GTF2H4: variants seen among roughly 807,000 people sequenced by gnomAD.
GTF2H4 encodes the protein general transcription factor IIH subunit 4, also known as BTF2 p52.
GTF2H4 carries 49 observed loss-of-function variants against 62.2 expected under a neutral mutation model. The observed-to-expected ratio is 0.79, with a 90% confidence interval of 0.63 to 1.00. The LOEUF (loss-of-function observed/expected upper bound fraction) is 1.00. Ranked by LOEUF, GTF2H4 falls within the 50% of genes least tolerant of loss-of-function variation. The pLI, the probability that GTF2H4 is intolerant of heterozygous loss-of-function variation, is 0.00. For synonymous variants in GTF2H4, 189 were observed against 233.8 expected (o/e 0.81, Z 1.75); for missense variants, 479 against 587.8 (o/e 0.81, Z 1.91).
Position 30,910,151 on chromosome 6 carries a change from G to C in GTF2H4, c.374+88G>C. 1 of 1,443,886 alleles carries C rather than the reference G, an allele frequency of 6.9e-7. No individual in the cohort carries two copies. The highest frequency in any genetic ancestry group is 9.5e-7 in the Non-Finnish European group (1 of 1,047,494). 89.4% of individuals were successfully genotyped at this position (1,443,886 alleles called of 1,614,324 possible). A position where few individuals can be genotyped will look rare whatever the true frequency, so the allele number is the denominator to read the frequency against. ...TTAAACTTTGGGAGGGGGAGCTCCT[G>C]GGGGCCTCCCCAGAACCTTGTGGTC... is the stretch of plus-strand genomic sequence containing the variant. On this transcript the variant is annotated intron_variant, in intron 4 of 13. Coordinates refer to ENST00000259895, the MANE Select transcript of GTF2H4 (RefSeq NM_001517.5). The surrounding 1 kb of genome is among the most constrained non-coding windows in gnomAD (Gnocchi z 4.7).
rs1266637423 is a variant in GTF2H4 at position 30,909,040 on chromosome 6, G to T, written c.4G>T (p.Glu2Ter). The change falls in exon 2 of 14, where the codon GAG becomes TAG. Residue 2 changes from glutamate (E) to a stop codon, truncating the protein, a stop_gained. Transcript: ENST00000259895. LOFTEE classifies it high-confidence loss of function. The surrounding 1 kb of genome is among the most constrained non-coding windows in gnomAD (Gnocchi z 4.3). ...TGACGTTTGCATTCCTCAGGTGATG[G>T]AGAGCACCCCTTCAAGGGGACTGAA... is the stretch of plus-strand genomic sequence containing the variant. The part of the protein sequence containing the change: M[E>*]STPSRGLNRV... 2 of 1,614,118 alleles carry T rather than the reference G, an allele frequency of 1.2e-6. No homozygotes were observed. The highest frequency in any genetic ancestry group is 8.5e-7 in the Non-Finnish European group (1 of 1,180,030).
rs1382565849 is a variant in GTF2H4, at chr6:30,909,655, T to A, written c.242+116T>A. On this transcript the variant is annotated intron_variant, in intron 3 of 13. Coordinates refer to ENST00000259895, the MANE Select transcript of GTF2H4 (RefSeq NM_001517.5). This position sits in a 1 kb window ranked among gnomAD's most constrained non-coding sequence, Gnocchi z 4.3. ...TCACAAAACTTAAAAATAAATACAT[T>A]TGGGAAACTCTGCATATTGCCTTTT... 11 of 678,266 alleles carry A rather than the reference T, an allele frequency of 1.6e-5. No homozygotes were observed. In the African/African-American group the frequency reaches 1.8e-4, roughly 11 times the overall value. 42.0% of individuals were successfully genotyped at this position (678,266 alleles called of 1,614,324 possible). A position where few individuals can be genotyped will look rare whatever the true frequency, so the allele number is the denominator to read the frequency against.
At position 30,910,498 on chromosome 6, in the gene GTF2H4, T is replaced by G; in HGVS notation, c.375-167T>G. 2 of 661,114 alleles carry G rather than the reference T, an allele frequency of 3.0e-6. No homozygotes were observed. The highest frequency in any genetic ancestry group is 1.8e-5 in the African/African-American group (1 of 55,764). 41.0% of individuals were successfully genotyped at this position (661,114 alleles called of 1,614,324 possible). A position where few individuals can be genotyped will look rare whatever the true frequency, so the allele number is the denominator to read the frequency against. On this transcript the variant is annotated intron_variant, in intron 4 of 13. Coordinates refer to ENST00000259895, the MANE Select transcript of GTF2H4 (RefSeq NM_001517.5). This position sits in a 1 kb window ranked among gnomAD's most constrained non-coding sequence, Gnocchi z 4.7. ...GCACCCACCACGACGCCAGGCTAAT[T>G]TTTTGTATTTTTAGTAGAGATGGGG...
Position 30,911,919 on chromosome 6 carries a change from A to G in GTF2H4, c.826-95A>G. 6.7e-7 allele frequency: 1 copy of G among 1,503,732 alleles called. No homozygotes were observed. Among genetic ancestry groups the G allele is most frequent in the Non-Finnish European group, 9.1e-7 (1 of 1,097,726 alleles). The allele number at this position is 1,503,732 out of a possible 1,614,324, so 93.1% of individuals were successfully genotyped here. On this transcript the variant is annotated intron_variant, in intron 9 of 13. Transcript: ENST00000259895. The surrounding 1 kb of genome is among the most constrained non-coding windows in gnomAD (Gnocchi z 4.3). ...CTCGGGGGAGAGAAGTTGGGGGTTG[A>G]GGTTCTGCATCTTGGGAGGGATCTG...
At position 30,909,898 on chromosome 6, in the gene GTF2H4, A is replaced by G; in HGVS notation, c.243-34A>G. 2 of 1,583,802 alleles carry G rather than the reference A, an allele frequency of 1.3e-6. No homozygotes were observed. Among genetic ancestry groups the G allele is most frequent in the Non-Finnish European group, 8.6e-7 (1 of 1,168,208 alleles). On this transcript the variant is annotated intron_variant, in intron 3 of 13. Coordinates refer to ENST00000259895, the MANE Select transcript of GTF2H4 (RefSeq NM_001517.5). This position sits in a 1 kb window ranked among gnomAD's most constrained non-coding sequence, Gnocchi z 4.3. Reference sequence around the variant, plus strand: ...TTTATGGGCCTCCTTTTTGTTTTCCAAATACCCTACTCACCTCTCTGCTTC... The same window carrying G: ...TTTATGGGCCTCCTTTTTGTTTTCCGAATACCCTACTCACCTCTCTGCTTC...
rs1438093694 is a variant in GTF2H4 at position 30,910,081 on chromosome 6, C to G, written c.374+18C>G. 7 of 1,610,112 alleles carry G rather than the reference C, an allele frequency of 4.3e-6. No homozygotes were observed. The highest frequency in any genetic ancestry group is 5.1e-6 in the Non-Finnish European group (6 of 1,179,042). On this transcript the variant is annotated intron_variant, in intron 4 of 13. Coordinates refer to ENST00000259895, the MANE Select transcript of GTF2H4 (RefSeq NM_001517.5). This position sits in a 1 kb window ranked among gnomAD's most constrained non-coding sequence, Gnocchi z 4.7. ...CTGGGTGGGTATGTCACTTCTCTCT[C>G]TTCCTAAGCTAGGGCAGGGGAACTG...
rs767700313 is a variant in GTF2H4, at chr6:30,909,338, G to A, written c.138-97G>A. The A allele has an allele frequency of 4.1e-6, 5 of 1,217,758 alleles. No homozygotes were observed. Among genetic ancestry groups the A allele is most frequent in the Non-Finnish European group, 4.7e-6 (4 of 847,294 alleles). 75.4% of individuals were successfully genotyped at this position (1,217,758 alleles called of 1,614,324 possible). ...AAAACAGCAGGACTGGTAAAGTTGT[G>A]CTGGAGTGAGATGAGATGTTTGAGA... is the stretch of plus-strand genomic sequence containing the variant. On this transcript the variant is annotated intron_variant, in intron 2 of 13. Coordinates refer to ENST00000259895, the MANE Select transcript of GTF2H4 (RefSeq NM_001517.5). The surrounding 1 kb of genome is among the most constrained non-coding windows in gnomAD (Gnocchi z 4.3).
In GTF2H4 at chr6:30,911,937, G is replaced by A; in HGVS notation, c.826-77G>A. 6.4e-7 allele frequency: 1 copy of A among 1,554,054 alleles called. No homozygotes were observed. The highest frequency in any genetic ancestry group is 8.8e-7 in the Non-Finnish European group (1 of 1,138,420). On this transcript the variant is annotated intron_variant, in intron 9 of 13. Transcript: ENST00000259895. The surrounding 1 kb of genome is among the most constrained non-coding windows in gnomAD (Gnocchi z 4.3). ...GGGGTTGAGGTTCTGCATCTTGGGA[G>A]GGATCTGATATTTCAGGCAGGAAGA... is the stretch of plus-strand genomic sequence containing the variant.
rs1267456351 is a variant in GTF2H4, at chr6:30,909,144, G to A, written c.108G>A (p.Gly36=). The A allele has an allele frequency of 6.2e-7, 1 of 1,613,850 alleles. No homozygotes were observed. Among genetic ancestry groups the A allele is most frequent in the Non-Finnish European group, 8.5e-7 (1 of 1,179,886 alleles). ...CTGGGGTATTGGACCGATTGTATGG[G>A]CACCCTGCCACATGTCTGGCTGTCT... ...LSPGVLDRLY[G]HPATCLAVFR... The change falls in exon 2 of 14, where the codon GGG becomes GGA. Residue 36 remains glycine, a synonymous_variant. Transcript: ENST00000259895. This position sits in a 1 kb window ranked among gnomAD's most constrained non-coding sequence, Gnocchi z 4.3.
Position 30,911,162 on chromosome 6 carries a change from G to A in GTF2H4, c.565G>A (p.Glu189Lys). The change falls in exon 7 of 14, where the codon GAA becomes AAA. Residue 189 changes from glutamate to lysine, a missense_variant. Glu to Lys is a moderately conservative substitution (Grantham distance 56). Transcript: ENST00000259895. The surrounding 1 kb of genome is among the most constrained non-coding windows in gnomAD (Gnocchi z 4.3). ...TGTCCTGGTCTTTGTCTCTAGTACT[G>A]AACCTGGAGAGCCGCCCTGCATTAC... Reference protein sequence around the residue: ...LSQAGLMKSTEPGEPPCITSA... With the variant: ...LSQAGLMKSTKPGEPPCITSA... 6.2e-7 allele frequency: 1 copy of A among 1,612,104 alleles called. No individual in the cohort carries two copies. Among genetic ancestry groups the A allele is most frequent in the African/African-American group, 1.3e-5 (1 of 74,988 alleles).
chr6:30,913,054 A>G lies in GTF2H4; in HGVS notation c.1090-56A>G, dbSNP rs1793862023. The G allele has an allele frequency of 6.3e-7, 1 of 1,575,324 alleles. No individual in the cohort carries two copies. The highest frequency in any genetic ancestry group is 1.1e-5 in the South Asian group (1 of 89,726). On this transcript the variant is annotated intron_variant, in intron 11 of 13. Transcript: ENST00000259895. This position sits in a 1 kb window ranked among gnomAD's most constrained non-coding sequence, Gnocchi z 4.2. ...CCAGTGACATTAGGTGACAGCTCAG[A>G]TGGCTTTCCTGCCTTCTTGCTGGAG...
At position 30,912,289 on chromosome 6, in the gene GTF2H4, G is replaced by C. The variant is rs776839198; in HGVS notation, c.959-39G>C. 5.0e-6 allele frequency: 8 copies of C among 1,610,854 alleles called. No individual in the cohort carries two copies. The highest frequency in any genetic ancestry group is 6.8e-6 in the Non-Finnish European group (8 of 1,178,700). On this transcript the variant is annotated intron_variant, in intron 10 of 13. Transcript: ENST00000259895. The surrounding 1 kb of genome is among the most constrained non-coding windows in gnomAD (Gnocchi z 4.8). ...GAAGGGCTTGAGGGAGTCTGGGTGT[G>C]GGGGTGGCCTCCTCATCCTCTTTCT...
chr6:30,912,181 T>C lies in GTF2H4; in HGVS notation c.958+35T>C, dbSNP rs1215141050. The C allele has an allele frequency of 7.5e-6, 12 of 1,609,978 alleles. No homozygotes were observed. The highest frequency in any genetic ancestry group is 8.5e-6 in the Non-Finnish European group (10 of 1,178,572). ...GACAGAGGGCCCCTGGAAGAGGAGGTTGGGGGTGAGGGAATGCCAGTTTAT... is the reference window on the plus strand; with the variant it reads ...GACAGAGGGCCCCTGGAAGAGGAGGCTGGGGGTGAGGGAATGCCAGTTTAT... On this transcript the variant is annotated intron_variant, in intron 10 of 13. Transcript: ENST00000259895. This position sits in a 1 kb window ranked among gnomAD's most constrained non-coding sequence, Gnocchi z 4.8.
Position 30,913,934 on chromosome 6 carries a change from G to C in GTF2H4, c.1340G>C (p.Gly447Ala). ...CGGCTCATGGTGGTGACCCCGGCCG[G>C]GCACAGCGACGTCAAGCGCTTTTGG... Reference protein sequence around the residue: ...AKRLMVVTPAGHSDVKRFWKR... With the variant: ...AKRLMVVTPAAHSDVKRFWKR... The change falls in exon 14 of 14, where the codon GGG becomes GCG. Residue 447 changes from glycine (G) to alanine (A), a missense_variant. By Grantham distance (60) the Gly-to-Ala change is moderately conservative. Coordinates refer to ENST00000259895, the MANE Select transcript of GTF2H4 (RefSeq NM_001517.5). The surrounding 1 kb of genome is among the most constrained non-coding windows in gnomAD (Gnocchi z 4.2). The C allele has an allele frequency of 6.2e-7, 1 of 1,607,680 alleles. No individual in the cohort carries two copies.
rs1793704422 is a variant in GTF2H4 at position 30,910,177 on chromosome 6, T to A, written c.374+114T>A. The A allele has an allele frequency of 8.5e-7, 1 of 1,171,042 alleles. No individual in the cohort carries two copies. Among genetic ancestry groups the A allele is most frequent in the African/African-American group, 1.5e-5 (1 of 65,060 alleles). 72.5% of individuals were successfully genotyped at this position (1,171,042 alleles called of 1,614,324 possible). ...GGGGCCTCCCCAGAACCTTGTGGTC[T>A]CCACGTTGGGAACTCCTTTAGGAGT... is the stretch of plus-strand genomic sequence containing the variant. On this transcript the variant is annotated intron_variant, in intron 4 of 13. Transcript: ENST00000259895. This position sits in a 1 kb window ranked among gnomAD's most constrained non-coding sequence, Gnocchi z 4.7.
In GTF2H4 at chr6:30,913,229, C is replaced by G; in HGVS notation, c.1137+72C>G. ...ATGATGGAAAAGAAAAAGGGGCATC[C>G]AAATCTGGGGAAGAAACAGAGGGCC... is the stretch of plus-strand genomic sequence containing the variant. On this transcript the variant is annotated intron_variant, in intron 12 of 13. Coordinates refer to ENST00000259895, the MANE Select transcript of GTF2H4 (RefSeq NM_001517.5). This position sits in a 1 kb window ranked among gnomAD's most constrained non-coding sequence, Gnocchi z 4.2. 3.7e-6 allele frequency: 6 copies of G among 1,612,170 alleles called. No individual in the cohort carries two copies. The highest frequency in any genetic ancestry group is 5.1e-6 in the Non-Finnish European group (6 of 1,178,558).
chr6:30,912,480 G>A lies in GTF2H4; in HGVS notation c.1089+22G>A, dbSNP rs768078283. On this transcript the variant is annotated intron_variant, in intron 11 of 13. Coordinates refer to ENST00000259895, the MANE Select transcript of GTF2H4 (RefSeq NM_001517.5). The surrounding 1 kb of genome is among the most constrained non-coding windows in gnomAD (Gnocchi z 4.8). ...GCAGGTATTCCCACTTGGGAGAGGT[G>A]GAGCAGGAAGACAGGCTGCACTTGG... 31 of 1,611,148 alleles carry A rather than the reference G, an allele frequency of 1.9e-5. No homozygotes were observed. The South Asian group carries it at 2.9e-4, about 15-fold the overall frequency.
chr6:30,912,060 C>A lies in GTF2H4; in HGVS notation c.872C>A (p.Ser291Ter). The A allele has an allele frequency of 6.2e-7, 1 of 1,612,934 alleles. No homozygotes were observed. Among genetic ancestry groups the A allele is most frequent in the Non-Finnish European group, 8.5e-7 (1 of 1,179,942 alleles). ...YYPTRLAINLSSGVSGAGGTV... is the reference protein window; with the variant it reads ...YYPTRLAINL ...CCCACACGCCTGGCCATCAATCTCT[C>A]ATCAGGTGTCTCTGGAGCTGGGGGC... Residue 291 changes from serine to a stop codon, truncating the protein, a stop_gained, in exon 10 of 14, where the codon TCA (serine) becomes TAA (stop). Transcript: ENST00000259895. LOFTEE classifies it high-confidence loss of function. The surrounding 1 kb of genome is among the most constrained non-coding windows in gnomAD (Gnocchi z 4.8).
rs1182615678 is a variant in GTF2H4 at position 30,912,503 on chromosome 6, T to A, written c.1089+45T>A. The A allele has an allele frequency of 6.2e-7, 1 of 1,608,462 alleles. No individual in the cohort carries two copies. The highest frequency in any genetic ancestry group is 1.7e-5 in the Admixed American group (1 of 59,964). On this transcript the variant is annotated intron_variant, in intron 11 of 13. Coordinates refer to ENST00000259895, the MANE Select transcript of GTF2H4 (RefSeq NM_001517.5). The surrounding 1 kb of genome is among the most constrained non-coding windows in gnomAD (Gnocchi z 4.8). ...GTGGAGCAGGAAGACAGGCTGCACT[T>A]GGGCTGCGGGGGACAGGGGTCACAT... is the stretch of plus-strand genomic sequence containing the variant.
Sources: gnomAD v4.1 joint callset for allele counts on GRCh38, gnomAD v4.1.1 for gene constraint, Gnocchi (gnomAD v3.1) non-coding constraint, MANE v1.5 for transcripts, NCBI Gene and HGNC (gene_info 2026-07-23, HGNC 2026-07-21) for gene names.